The following TBC1D4 variants were observed in gnomAD, a reference collection of about 807,000 sequenced individuals.
TBC1D4 encodes the protein TBC (Tre-2, BUB2, CDC16) domain-containing protein.
A neutral mutation model predicts 142.5 loss-of-function variants in TBC1D4; 121 were observed. The ratio of observed to expected loss-of-function variants is 0.85; its 90% CI spans 0.73 to 0.99. The LOEUF (loss-of-function observed/expected upper bound fraction) is 0.99. TBC1D4 is among the 50% of genes least tolerant of loss of function. The pLI, the probability that TBC1D4 is intolerant of heterozygous loss-of-function variation, is 0.00. For synonymous variants in TBC1D4, 630 were observed against 628.2 expected, an observed-to-expected ratio of 1.00 and a Z score of -0.04; for missense variants, 1,475 against 1,606.6, an observed-to-expected ratio of 0.92 and a Z score of 1.40.
chr13:75,460,253 T>C (rs1440710105), intron 1 of TBC1D4, among the ~76,000 whole-genome samples: 1 of 152,184 alleles, frequency 6.6e-6, no homozygotes, highest in Admixed American at 6.5e-5. Flanking sequence ...TACAAACTAG[T>C]GAAGAGAGGC....
intron 1 of TBC1D4, among the ~76,000 whole-genome samples, chr13:75,387,426 G>A (rs929320175): frequency 6.6e-6 from 1 of 152,182 alleles, no homozygotes; most frequent in Admixed American, 6.5e-5. Flanking sequence ...TCTACATTCT[G>A]TCCCATTGAA....
chr13:75,374,396 T>C lies in TBC1D4; in HGVS notation c.499-11789A>G, dbSNP rs865824009. Among the ~76,000 whole-genome samples the C allele has an allele frequency of 2.6e-4, 39 of 152,300 alleles. 1 individual carries two copies. In the Middle Eastern group the frequency reaches 0.01, roughly 40 times the overall value. On this transcript the variant is annotated intron_variant, in intron 1 of 20. Transcript: ENST00000377636. ...TGTCAAACATACATAAAATTTTAAC[T>C]CCTTAAATGTCAAATTTTAACTCCT...
chr13:75,300,703 C>T (rs564279712), intron 16 of TBC1D4, among the ~76,000 whole-genome samples: 1 of 152,136 alleles, frequency 6.6e-6, no homozygotes, highest in Admixed American at 6.5e-5. Context: ...ACTTTCTATC[C>T]ATTAACTTGA....
intron 1 of TBC1D4, among the ~76,000 whole-genome samples, chr13:75,412,461 G>A (rs988177758): frequency 1.3e-5 from 2 of 151,918 alleles, no homozygotes; most frequent in Non-Finnish European, 2.9e-5. Context: ...CACACACACG[G>A]TTATTTTTTT....
At chr13:75,433,724 AACAG>A (rs1313019845) in intron 1 of TBC1D4, among the ~76,000 whole-genome samples, 2 of 152,248 alleles carry the variant, frequency 1.3e-5, no homozygotes, top group African/African-American at 2.4e-5. Context: ...ATCAACAGTA[AACAG>A]ACAACCTATG....
At position 75,285,613 on chromosome 13, in the gene TBC1D4, C is replaced by CT. The variant is rs1205550882; in HGVS notation, c.*1178dup. The CT allele has an allele frequency of 1.3e-5, 2 of 152,650 alleles. No homozygotes were observed. Among genetic ancestry groups the CT allele is most frequent in the African/African-American group, 4.8e-5 (2 of 41,452 alleles). 9.5% of individuals were successfully genotyped at this position (152,650 alleles called of 1,614,324 possible). A position where few individuals can be genotyped will look rare whatever the true frequency, so the allele number is the denominator to read the frequency against. ...GCAGGTTTTAGTTGAGCTGGTAACA[C>CT]TGGTACCACTTTCTTTTTTCCCTTC... On this transcript the variant is annotated 3_prime_UTR_variant, in exon 21 of 21. Transcript: ENST00000377636.
chr13:75,441,124 CG>C (rs2138198125), intron 1 of TBC1D4, among the ~76,000 whole-genome samples: 1 of 152,104 alleles, frequency 6.6e-6, no homozygotes, highest in Admixed American at 6.5e-5. Flanking sequence ...GGCATGGTGG[CG>C]GGAACCTGTA....
intron 5 of TBC1D4, among the ~76,000 whole-genome samples, chr13:75,348,124 G>A (rs1881304020): frequency 6.6e-6 from 1 of 152,158 alleles, no homozygotes. Flanking sequence ...CTGGGCAACA[G>A]AGCAAGGCTG....
At chr13:75,304,847 G>A (rs1190601904) in intron 15 of TBC1D4, among the ~76,000 whole-genome samples, 1 of 152,176 alleles carries the variant, frequency 6.6e-6, no homozygotes, top group Non-Finnish European at 1.5e-5. Flanking sequence ...GCAAGAAATA[G>A]CAAAGGACAT....
chr13:75,460,779 C>T (rs1048561227), intron 1 of TBC1D4, among the ~76,000 whole-genome samples: 2 of 151,900 alleles, frequency 1.3e-5, no homozygotes, highest in African/African-American at 4.8e-5. Context: ...AAAAAATGGC[C>T]AGACATGGTG....
intron 1 of TBC1D4, among the ~76,000 whole-genome samples, chr13:75,382,986 T>C (rs1234027724): frequency 6.6e-6 from 1 of 152,210 alleles, no homozygotes. Context: ...TCTATCTCTG[T>C]ATACCCTTTA....
In TBC1D4 at chr13:75,356,149, G is replaced by C. The variant is rs772994188; in HGVS notation, c.1273C>G (p.Leu425Val). 1 of 1,612,030 alleles carries C rather than the reference G, an allele frequency of 6.2e-7. No individual in the cohort carries two copies. Among genetic ancestry groups the C allele is most frequent in the Admixed American group, 1.7e-5 (1 of 59,896 alleles). ...CYVFQCASESLVDEVMLTLKQ... is the reference protein window; with the variant it reads ...CYVFQCASESVVDEVMLTLKQ... ...CAGACAGCAATAACACTACTTACCA[G>C]AGATTCGCTGGCACACTGGAATACA... The change falls in exon 4 of 21, where the codon CTG (leucine) becomes GTG (valine). Residue 425 changes from leucine (L) to valine (V), a missense_variant and splice_region_variant. Physicochemically the swap from Leu to Val is conservative, Grantham distance 32. This residue lies in a region of TBC1D4 where 1,227 missense variants were observed against 1,267.7 expected (regional missense o/e 0.97). Transcript: ENST00000377636.
At chr13:75,424,119 A>C (rs1411072219) in intron 1 of TBC1D4, among the ~76,000 whole-genome samples, 1 of 152,154 alleles carries the variant, frequency 6.6e-6, no homozygotes, top group Non-Finnish European at 1.5e-5. Context: ...TAAAAATTCA[A>C]AAAACTAGCC....
intron 1 of TBC1D4, among the ~76,000 whole-genome samples, chr13:75,413,442 G>T (rs1247212180): frequency 1.3e-5 from 2 of 152,158 alleles, no homozygotes; most frequent in African/African-American, 4.8e-5. Context: ...TTACAGGCGT[G>T]AGCCACCGCA....
chr13:75,462,197 C>T (rs2138286468), intron 1 of TBC1D4, among the ~76,000 whole-genome samples: 1 of 152,188 alleles, frequency 6.6e-6, no homozygotes, highest in East Asian at 1.9e-4. Context: ...TTATTAGTCT[C>T]AGATCAACTA....
chr13:75,303,732 A>G (rs981476566), intron 15 of TBC1D4, among the ~76,000 whole-genome samples: 6 of 152,198 alleles, frequency 3.9e-5, no homozygotes, highest in African/African-American at 1.2e-4. Context: ...GCTCGTTGGC[A>G]TGACTTATGA....
chr13:75,406,750 A>G (rs1444570091), intron 1 of TBC1D4, among the ~76,000 whole-genome samples: 1 of 152,202 alleles, frequency 6.6e-6, no homozygotes, highest in Non-Finnish European at 1.5e-5. Context: ...CCTCCATACC[A>G]AATTGGAAAG....
intron 8 of TBC1D4, among the ~76,000 whole-genome samples, chr13:75,333,185 G>A (rs750729477): frequency 3.3e-5 from 5 of 152,124 alleles, no homozygotes; most frequent in Non-Finnish European, 5.9e-5. Context: ...TAAAGGCCAA[G>A]AGACTTTAAA....
At chr13:75,427,161 C>T (rs1886409078) in intron 1 of TBC1D4, among the ~76,000 whole-genome samples, 1 of 151,712 alleles carries the variant, frequency 6.6e-6, no homozygotes, top group Middle Eastern at 3.4e-3. Flanking sequence ...CGATCTCGCT[C>T]ACTGCAAGCT....
Sources: allele counts gnomAD v4.1 joint callset (sites outside exome capture counted in the v4.1 genomes callset), GRCh38; gene constraint gnomAD v4.1.1; regional missense constraint gnomAD v4.1.1; transcripts MANE v1.5; gene names NCBI Gene and HGNC (gene_info 2026-07-23, HGNC 2026-07-21).